The following LMOD2 variants were observed in gnomAD, a reference collection of about 807,000 sequenced individuals.
LMOD2 encodes the protein leiomodin-2.
In LMOD2, 27 loss-of-function variants were observed where a neutral mutation model predicts 41.7. That is an observed-to-expected ratio of 0.65 (90% CI 0.48 to 0.89). LMOD2 has a LOEUF of 0.89. LMOD2 is among the 40% of genes least tolerant of loss of function. The pLI is 0.00. For missense variants in LMOD2, 624 were observed against 667.9 expected (o/e 0.93, Z 0.72); for synonymous variants, 251 against 244.6 (o/e 1.03, Z -0.25).
In LMOD2 at chr7:123,664,185, T is replaced by C. The variant is rs1335432424; in HGVS notation, c.*440T>C. 1.3e-5 allele frequency: 2 copies of C among 157,092 alleles called. No individual in the cohort carries two copies. Among genetic ancestry groups the C allele is most frequent in the African/African-American group, 4.8e-5 (2 of 41,572 alleles). The allele number at this position is 157,092 out of a possible 1,614,324, so 9.7% of individuals were successfully genotyped here. On this transcript the variant is annotated 3_prime_UTR_variant, in exon 3 of 3. Coordinates refer to ENST00000458573, the MANE Select transcript of LMOD2 (RefSeq NM_207163.3). ...AATGTGTATTGAAGTTTTTTCCCTT[T>C]TTTTAAAAAGCCAAACTAATATTTT...
At chr7:123,658,839 G>A (rs144564476) in intron 1 of LMOD2, among the ~76,000 whole-genome samples, 22 of 152,270 alleles carry the variant, frequency 1.4e-4, no homozygotes, top group African/African-American at 2.6e-4. Flanking sequence ...TAGAGTTCCC[G>A]TCAATCTGAT....
chr7:123,663,871 T>C lies in LMOD2; in HGVS notation c.*126T>C, dbSNP rs1227074485. On this transcript the variant is annotated 3_prime_UTR_variant, in exon 3 of 3. Transcript: ENST00000458573. ...CTGACTTTAAAAATAATCTCACCCA[T>C]TAATTCCAAAGAGAATCTTAAGAAA... 8.7e-5 allele frequency: 63 copies of C among 722,204 alleles called. No individual in the cohort carries two copies. The highest frequency in any genetic ancestry group is 6.8e-6 in the Non-Finnish European group (3 of 440,194). The allele number at this position is 722,204 out of a possible 1,614,324, so 44.7% of individuals were successfully genotyped here.
At chr7:123,660,435 C>A (rs1562950991) in intron 1 of LMOD2, among the ~76,000 whole-genome samples, 1 of 152,012 alleles carries the variant, frequency 6.6e-6, no homozygotes, top group East Asian at 1.9e-4. Flanking sequence ...GTGGCTGACC[C>A]CTTCCCCAGG....
intron 1 of LMOD2, among the ~76,000 whole-genome samples, chr7:123,659,560 T>A (rs1802841723): frequency 6.6e-6 from 1 of 152,216 alleles, no homozygotes; most frequent in Admixed American, 6.5e-5. Flanking sequence ...TTCTCCTGTG[T>A]GTAGTCCTGA....
At chr7:123,663,270 G>C in intron 2 of LMOD2, 67 bp downstream of exon 2, 1 of 1,489,422 alleles carries the variant, frequency 6.7e-7, no homozygotes, top group Non-Finnish European at 9.0e-7. Context: ...ATTGCATGGT[G>C]GTACCAAAGT....
At chr7:123,658,680 A>T (rs987317870) in intron 1 of LMOD2, among the ~76,000 whole-genome samples, 12 of 152,184 alleles carry the variant, frequency 7.9e-5, no homozygotes, top group Admixed American at 2.6e-4. Flanking sequence ...AACTTTCTGC[A>T]CTTGAGAACT....
rs1802887875 is a variant in LMOD2 at position 123,662,183 on chromosome 7, T to G, written c.597T>G (p.Ile199Met). The G allele has an allele frequency of 1.9e-6, 3 of 1,613,796 alleles. No individual in the cohort carries two copies. Among genetic ancestry groups the G allele is most frequent in the Non-Finnish European group, 8.5e-7 (1 of 1,179,886 alleles). The change falls in exon 2 of 3, where the codon ATT becomes ATG. Residue 199 changes from isoleucine to methionine, a missense_variant. Coordinates refer to ENST00000458573, the MANE Select transcript of LMOD2 (RefSeq NM_207163.3). This position sits in a 1 kb window ranked among gnomAD's most constrained non-coding sequence, Gnocchi z 4.0. ...AIHPCGNPTV[I>M]EDALDKIKSN... ...ACCCTTGTGGAAATCCTACAGTGAT[T>G]GAGGACGCTTTGGACAAGATTAAAA...
intron 1 of LMOD2, among the ~76,000 whole-genome samples, chr7:123,656,977 A>G (rs895341781): frequency 2.0e-5 from 3 of 152,342 alleles, no homozygotes; most frequent in South Asian, 4.1e-4. Flanking sequence ...TAGAATTTCA[A>G]AATGATAACA....
At position 123,662,874 on chromosome 7, in the gene LMOD2, CCT is replaced by C. The variant is rs1802908745; in HGVS notation, c.1290_1291del (p.Pro432SerfsTer91). ...TCCTCCTCCTCCCCCTCCTCCTCCT[CCT>C]CCCCCTCCTTCTTCCCAAAGGCTGC... ...TPPPPPPPPP[P>X]PPPSSQRLPP... is the part of the protein sequence containing the mutation. On this transcript the variant is annotated frameshift_variant, in exon 2 of 3. Transcript: ENST00000458573. LOFTEE classifies it high-confidence loss of function. The surrounding 1 kb of genome is among the most constrained non-coding windows in gnomAD (Gnocchi z 4.0). 1 of 1,479,132 alleles carries C rather than the reference CCT, an allele frequency of 6.8e-7. No homozygotes were observed. The highest frequency in any genetic ancestry group is 1.4e-5 in the African/African-American group (1 of 70,000). 91.6% of individuals were successfully genotyped at this position (1,479,132 alleles called of 1,614,324 possible).
rs1584844217 is a variant in LMOD2, at chr7:123,662,885, T to G, written c.1299T>G (p.Pro433=). Residue 433 remains proline (P), a synonymous_variant, in exon 2 of 3, where the codon CCT becomes CCG. Transcript: ENST00000458573. This position sits in a 1 kb window ranked among gnomAD's most constrained non-coding sequence, Gnocchi z 4.0. ...CCCCTCCTCCTCCTCCTCCCCCTCC[T>G]TCTTCCCAAAGGCTGCCACCACCTC... ...PPPPPPPPPP[P]SSQRLPPPPP... 8.3e-7 allele frequency: 1 copy of G among 1,200,682 alleles called. No homozygotes were observed. The highest frequency in any genetic ancestry group is 1.9e-5 in the African/African-American group (1 of 51,558). 74.4% of individuals were successfully genotyped at this position (1,200,682 alleles called of 1,614,324 possible).
Position 123,662,515 on chromosome 7 carries a change from T to A in LMOD2, c.929T>A (p.Met310Lys). 6.2e-7 allele frequency: 1 copy of A among 1,613,896 alleles called. No homozygotes were observed. The change falls in exon 2 of 3, where the codon ATG becomes AAG. Residue 310 changes from methionine to lysine, a missense_variant. Physicochemically the swap from Met to Lys is moderately conservative, Grantham distance 95 (BLOSUM62 -1). Coordinates refer to ENST00000458573, the MANE Select transcript of LMOD2 (RefSeq NM_207163.3). The surrounding 1 kb of genome is among the most constrained non-coding windows in gnomAD (Gnocchi z 4.0). ...CGTTTCCATAACCAGAGGCACATCA[T>A]GGGCAGCCAGGTGGAAATGGAGATT... ...ELRFHNQRHI[M>K]GSQVEMEIVK...
intron 1 of LMOD2, among the ~76,000 whole-genome samples, chr7:123,660,048 G>C (rs1273406857): frequency 1.3e-5 from 2 of 152,074 alleles, no homozygotes; most frequent in Admixed American, 6.5e-5. Flanking sequence ...ACAAACACAT[G>C]AACACACACA....
Position 123,663,735 on chromosome 7 carries a change from C to T in LMOD2, c.1634C>T (p.Ala545Val). The T allele has an allele frequency of 6.3e-7, 1 of 1,579,088 alleles. No individual in the cohort carries two copies. The highest frequency in any genetic ancestry group is 2.3e-5 in the East Asian group (1 of 43,852). Reference sequence around the variant, plus strand: ...TTTTTGTAGGTGGAAGTTCCAGAAGCCCTGCGATAAAAACATGATCTTTAG... The same window carrying T: ...TTTTTGTAGGTGGAAGTTCCAGAAGTCCTGCGATAAAAACATGATCTTTAG... ...KQLKRVEVPE[A>V]LR The change falls in exon 3 of 3, where the codon GCC (alanine) becomes GTC (valine). Residue 545 changes from alanine to valine, a missense_variant. Coordinates refer to ENST00000458573, the MANE Select transcript of LMOD2 (RefSeq NM_207163.3).
chr7:123,657,811 C>CAAA lies in LMOD2; in HGVS notation c.273+1597_273+1599dup, dbSNP rs1009900124. On this transcript the variant is annotated intron_variant, in intron 1 of 2. Coordinates refer to ENST00000458573, the MANE Select transcript of LMOD2 (RefSeq NM_207163.3). The stretch of plus-strand genomic sequence containing the variant: ...GCAATATAGTGAGATCTCATCTCTA[C>CAAA]AAAAAAAAAAAAAAAAAAAAAAAAT... Among the ~76,000 whole-genome samples the CAAA allele has an allele frequency of 5.1e-3, 179 of 35,194 alleles. 2 individuals carry two copies. Among genetic ancestry groups the CAAA allele is most frequent in the African/African-American group, 0.012 (89 of 7,718 alleles). The allele number at this position is 35,194 out of a possible 152,430, so 23.1% of individuals were successfully genotyped here.
Position 123,656,256 on chromosome 7 carries a change from C to T in LMOD2, c.273+20C>T, listed in dbSNP as rs1333295061. The stretch of plus-strand genomic sequence containing the variant: ...GGAAAGGTAGGCTCTCGGGACTTTT[C>T]CTTGGCTAACCCCACCTCCCCATCA... On this transcript the variant is annotated intron_variant, in intron 1 of 2. Coordinates refer to ENST00000458573, the MANE Select transcript of LMOD2 (RefSeq NM_207163.3). The T allele has an allele frequency of 2.6e-5, 41 of 1,587,858 alleles. No homozygotes were observed. In the Admixed American group the frequency reaches 6.6e-4, roughly 26 times the overall value.
chr7:123,660,280 C>CTCTCTT (rs1331093613), intron 1 of LMOD2, among the ~76,000 whole-genome samples: 2 of 145,634 alleles, frequency 1.4e-5, no homozygotes, highest in Non-Finnish European at 3.0e-5. Flanking sequence ...AAACATTTCT[C>CTCTCTT]TCTCTTTCTC....
At chr7:123,658,820 T>C (rs1046567190) in intron 1 of LMOD2, among the ~76,000 whole-genome samples, 1 of 152,196 alleles carries the variant, frequency 6.6e-6, no homozygotes, top group African/African-American at 2.4e-5. Flanking sequence ...TTCTTGGAAC[T>C]GCAAATTATA....
chr7:123,656,211 A>G lies in LMOD2; in HGVS notation c.248A>G (p.Lys83Arg), dbSNP rs1347772498. ...AAGGAGTCCCAAAAACTCTTGGAGA[A>G]GGAGAGGCTGGGGGAATGTGGAAAG... is the stretch of plus-strand genomic sequence containing the variant. Reference protein sequence around the residue: ...WEKESQKLLEKERLGECGKVA... With the variant: ...WEKESQKLLERERLGECGKVA... The change falls in exon 1 of 3, where the codon AAG becomes AGG. Residue 83 changes from lysine (K) to arginine (R), a missense_variant. Physicochemically the swap from Lys to Arg is conservative, Grantham distance 26. Transcript: ENST00000458573. The G allele has an allele frequency of 1.9e-6, 3 of 1,609,208 alleles. No individual in the cohort carries two copies. The highest frequency in any genetic ancestry group is 2.5e-6 in the Non-Finnish European group (3 of 1,178,056).
At chr7:123,661,431 G>A (rs1478112560) in intron 1 of LMOD2, among the ~76,000 whole-genome samples, 3 of 152,178 alleles carry the variant, frequency 2.0e-5, no homozygotes, top group Non-Finnish European at 4.4e-5. Context: ...TGCTTGAGAT[G>A]GAGAAATAAG....
Sources: gnomAD v4.1 joint callset for allele counts (sites outside exome capture counted in the v4.1 genomes callset) on GRCh38, gnomAD v4.1.1 for gene constraint, Gnocchi (gnomAD v3.1) non-coding constraint, MANE v1.5 for transcripts, NCBI Gene and HGNC (gene_info 2026-07-23, HGNC 2026-07-21) for gene names.